CCR5AS: variants seen among roughly 807,000 people sequenced by gnomAD.
CCR5AS encodes CCR5 antisense RNA.
intron 2 of CCR5AS, among the ~76,000 whole-genome samples, chr3:46,379,811 C>T (rs1455290175): frequency 5.3e-5 from 8 of 151,944 alleles, no homozygotes; most frequent in South Asian, 4.1e-4. Context: ...GCAGGAGAAT[C>T]GCTTGAACCT....
chr3:46,369,942 T>C (rs867778424), intron 3 of CCR5AS, among the ~76,000 whole-genome samples: 5 of 152,172 alleles, frequency 3.3e-5, no homozygotes, highest in African/African-American at 7.2e-5. Context: ...CTTTTTATTC[T>C]AGAGCCAAGG....
At chr3:46,403,808 TCAG>T (rs1455431324) in intron 1 of CCR5AS, among the ~76,000 whole-genome samples, 1 of 152,136 alleles carries the variant, frequency 6.6e-6, no homozygotes, top group East Asian at 1.9e-4. Flanking sequence ...CCAGCAAAAG[TCAG>T]CAGGAAGCCA....
intron 1 of CCR5AS, among the ~76,000 whole-genome samples, chr3:46,396,132 G>A (rs1419108968): frequency 6.6e-6 from 1 of 152,150 alleles, no homozygotes; most frequent in Admixed American, 6.5e-5. Flanking sequence ...TTTACTAAAG[G>A]GAATATTTTT....
intron 1 of CCR5AS, among the ~76,000 whole-genome samples, chr3:46,402,804 A>G (rs766943331): frequency 1.3e-5 from 2 of 152,154 alleles, no homozygotes; most frequent in Non-Finnish European, 2.9e-5. Context: ...ACCTTTTGTC[A>G]TGAGGGTTTG....
exon 2 of CCR5AS, chr3:46,392,870 T>C: frequency 4.5e-6 from 1 of 220,868 alleles, no homozygotes; most frequent in South Asian, 6.0e-5. Flanking sequence ...TCTGAGGACC[T>C]GAGGTCGTAG....
chr3:46,383,600 C>T (rs1335686112), intron 2 of CCR5AS, among the ~76,000 whole-genome samples: 1 of 152,204 alleles, frequency 6.6e-6, no homozygotes, highest in South Asian at 2.1e-4. Context: ...TAAACCCCAC[C>T]GCCACTCTCC....
At chr3:46,386,511 A>G (rs1056306735) in intron 2 of CCR5AS, among the ~76,000 whole-genome samples, 4 of 152,202 alleles carry the variant, frequency 2.6e-5, no homozygotes. Context: ...TGGCAGAGAC[A>G]GTGAGATGGT....
chr3:46,377,637 A>T lies in CCR5AS; in HGVS notation n.392-6220T>A, dbSNP rs900202232. On this transcript the variant is annotated intron_variant and non_coding_transcript_variant, in intron 2 of 3. Transcript: ENST00000451485. Reference sequence around the variant, plus strand: ...CTCAAGTGTTAACACTTATAATGAAAACATAAGAATTACCACCAACTACCC... The same window carrying T: ...CTCAAGTGTTAACACTTATAATGAATACATAAGAATTACCACCAACTACCC... Among the ~76,000 whole-genome samples the T allele has an allele frequency of 2.0e-5, 3 of 152,210 alleles. 1 individual carries two copies. Among genetic ancestry groups the T allele is most frequent in the African/African-American group, 4.8e-5 (2 of 41,450 alleles).
At chr3:46,390,392 G>A (rs780469685) in intron 2 of CCR5AS, among the ~76,000 whole-genome samples, 8 of 152,162 alleles carry the variant, frequency 5.3e-5, no homozygotes, top group Admixed American at 3.3e-4. Flanking sequence ...AGACTTGTCC[G>A]GTTTCTGGAC....
intron 1 of CCR5AS, among the ~76,000 whole-genome samples, chr3:46,393,460 C>CAAAA (rs35762544): frequency 1.3e-4 from 13 of 103,294 alleles, no homozygotes; most frequent in Non-Finnish European, 1.7e-4. Context: ...AACAGAGCCA[C>CAAAA]AAAAAAAAAA....
intron 1 of CCR5AS, among the ~76,000 whole-genome samples, chr3:46,399,305 C>G (rs1211339044): frequency 6.6e-6 from 1 of 152,200 alleles, no homozygotes; most frequent in African/African-American, 2.4e-5. Context: ...GCCCCAGCAG[C>G]TGATTACATT....
intron 1 of CCR5AS, among the ~76,000 whole-genome samples, chr3:46,402,331 T>C (rs1702011579): frequency 6.6e-6 from 1 of 152,180 alleles, no homozygotes; most frequent in Non-Finnish European, 1.5e-5. Context: ...GGAAAGAAAA[T>C]CTGGGGGCAG....
At chr3:46,386,504 CAG>C (rs1266593637) in intron 2 of CCR5AS, among the ~76,000 whole-genome samples, 6 of 152,266 alleles carry the variant, frequency 3.9e-5, no homozygotes, top group Non-Finnish European at 8.8e-5. Context: ...TGGACTATGG[CAG>C]AGACAGTGAG....
intron 1 of CCR5AS, among the ~76,000 whole-genome samples, chr3:46,404,035 GA>G (rs1181383016): frequency 6.6e-6 from 1 of 152,218 alleles, no homozygotes; most frequent in Non-Finnish European, 1.5e-5. Flanking sequence ...TCACAAAGCA[GA>G]ACACAGAAGA....
chr3:46,387,407 C>A (rs1175107702), intron 2 of CCR5AS, among the ~76,000 whole-genome samples: 1 of 152,186 alleles, frequency 6.6e-6, no homozygotes, highest in East Asian at 1.9e-4. Context: ...CAAACCTGAG[C>A]CATCCTCTTC....
At chr3:46,400,318 A>C (rs1045454782) in intron 1 of CCR5AS, among the ~76,000 whole-genome samples, 8 of 152,302 alleles carry the variant, frequency 5.3e-5, no homozygotes, top group African/African-American at 1.7e-4. Context: ...TCGGAAACAC[A>C]CACTCAAAGA....
chr3:46,381,572 A>C (rs7652037), intron 2 of CCR5AS, among the ~76,000 whole-genome samples: 20,312 of 152,256 alleles, frequency 0.13, 1,521 homozygotes, highest in Non-Finnish European at 0.15. Context: ...ACCGCTGAAT[A>C]TAATAAAATG....
Position 46,385,648 on chromosome 3 carries a change from C to T in CCR5AS, n.391+7177G>A, listed in dbSNP as rs150794951. Among the ~76,000 whole-genome samples the T allele has an allele frequency of 2.5e-3, 374 of 152,276 alleles. 1 individual carries two copies. Among genetic ancestry groups the T allele is most frequent in the African/African-American group, 8.8e-3 (365 of 41,536 alleles). ...TATTCCATCCTTTGGTTAAAGAAAC[C>T]CATAATGTAGAAGCCCCAAACCCTA... On this transcript the variant is annotated intron_variant and non_coding_transcript_variant, in intron 2 of 3. Coordinates refer to ENST00000451485, the Ensembl canonical transcript of CCR5AS.
At chr3:46,378,179 G>A (rs1701781582) in intron 2 of CCR5AS, among the ~76,000 whole-genome samples, 1 of 152,154 alleles carries the variant, frequency 6.6e-6, no homozygotes, top group African/African-American at 2.4e-5. Context: ...AAAATTCACT[G>A]TAAAAGTTGC....
Sources: gnomAD v4.1 joint callset for allele counts (sites outside exome capture counted in the v4.1 genomes callset) on GRCh38, gnomAD v4.1.1 for gene constraint, MANE v1.5 for transcripts, NCBI Gene and HGNC (gene_info 2026-07-23, HGNC 2026-07-21) for gene names.